Variants in SAMD5 observed in about 807,000 individuals in gnomAD.
SAMD5 encodes the protein sterile alpha motif domain-containing protein 5.
A neutral mutation model predicts 11.3 loss-of-function variants in SAMD5; 13 were observed. The ratio of observed to expected loss-of-function variants is 1.15; its 90% confidence interval spans 0.75 to 1.83. The LOEUF (loss-of-function observed/expected upper bound fraction) is 1.83. Ranked by LOEUF, SAMD5 falls within the 40% of genes most tolerant of loss-of-function variation. The probability of loss-of-function intolerance (pLI) is 0.00; values close to 1 mark genes in which losing one functional copy is unlikely to be tolerated. For missense variants in SAMD5, 255 were observed against 239.1 expected, an observed-to-expected ratio of 1.07 and a Z score of -0.44; for synonymous variants, 129 against 111.3, an observed-to-expected ratio of 1.16 and a Z score of -1.00.
chr6:147,723,957 T>G (rs1791590327), intron 1 of SAMD5, among the ~76,000 whole-genome samples: 1 of 152,202 alleles, frequency 6.6e-6, no homozygotes, highest in African/African-American at 2.4e-5. Flanking sequence ...AATCACTAAC[T>G]GCCCCAGGGC....
chr6:147,783,720 T>C, the SAMD5 span, among the ~76,000 whole-genome samples: 3 of 152,280 alleles, frequency 2.0e-5, no homozygotes, highest in East Asian at 3.9e-4. Flanking sequence ...TTTTATAATA[T>C]TTCTCCTCTT....
the SAMD5 span, among the ~76,000 whole-genome samples, chr6:147,819,884 T>C: frequency 6.6e-6 from 1 of 152,168 alleles, no homozygotes; most frequent in Non-Finnish European, 1.5e-5. Context: ...TGTCAGCAGA[T>C]ATACCCATAA....
the SAMD5 span, among the ~76,000 whole-genome samples, chr6:147,943,813 T>C: frequency 6.6e-6 from 1 of 152,058 alleles, no homozygotes; most frequent in Non-Finnish European, 1.5e-5. Flanking sequence ...CAACCAAACC[T>C]CCTTTCCAGT....
chr6:147,867,915 T>A, the SAMD5 span, among the ~76,000 whole-genome samples: 8 of 152,264 alleles, frequency 5.3e-5, no homozygotes, highest in African/African-American at 1.9e-4. Context: ...GGTGTTCTCA[T>A]CCTGAAAACA....
intron 1 of SAMD5, among the ~76,000 whole-genome samples, chr6:147,726,506 C>G (rs1791628559): frequency 6.6e-6 from 1 of 152,136 alleles, no homozygotes; most frequent in Non-Finnish European, 1.5e-5. Flanking sequence ...GTCTGTATGC[C>G]AGGCCTGCCT....
the SAMD5 span, among the ~76,000 whole-genome samples, chr6:147,786,412 C>G: frequency 6.6e-6 from 1 of 152,138 alleles, no homozygotes; most frequent in African/African-American, 2.4e-5. Context: ...ATTTATTCAT[C>G]TGGAAAGTCA....
chr6:147,720,442 G>C (rs183727362), intron 1 of SAMD5, among the ~76,000 whole-genome samples: 4 of 143,042 alleles, frequency 2.8e-5, no homozygotes, highest in South Asian at 2.4e-4. Context: ...CAGCCTGGGC[G>C]ACAGAGCGAG....
intron 1 of SAMD5, among the ~76,000 whole-genome samples, chr6:147,646,516 T>A (rs1041038060): frequency 4.6e-5 from 7 of 152,170 alleles, no homozygotes; most frequent in Non-Finnish European, 8.8e-5. Flanking sequence ...ACAGTACTTG[T>A]GTACTGTAGT....
intron 1 of SAMD5, among the ~76,000 whole-genome samples, chr6:147,697,553 T>C (rs748006117): frequency 1.3e-5 from 2 of 152,228 alleles, no homozygotes; most frequent in Non-Finnish European, 2.9e-5. Flanking sequence ...TTATTACTTA[T>C]CACTTGATTA....
At chr6:147,815,504 C>T in the SAMD5 span, among the ~76,000 whole-genome samples, 1 of 151,960 alleles carries the variant, frequency 6.6e-6, no homozygotes, top group Non-Finnish European at 1.5e-5. Flanking sequence ...CCTTATGTAG[C>T]ATTAGAGGTC....
intron 1 of SAMD5, among the ~76,000 whole-genome samples, chr6:147,554,884 A>T (rs1034570684): frequency 2.6e-5 from 4 of 152,210 alleles, no homozygotes; most frequent in Non-Finnish European, 5.9e-5. Flanking sequence ...GCCGTCCCCA[A>T]GGCCCTTTCA....
chr6:147,555,245 C>A (rs79256085), intron 1 of SAMD5, among the ~76,000 whole-genome samples: 6,681 of 152,262 alleles, frequency 0.044, 433 homozygotes, highest in African/African-American at 0.14. Context: ...TGTCTCCTTG[C>A]AAACCACTTG....
At chr6:147,777,030 C>G in the SAMD5 span, among the ~76,000 whole-genome samples, 2 of 152,288 alleles carry the variant, frequency 1.3e-5, no homozygotes, top group South Asian at 2.1e-4. Flanking sequence ...TGATTAGTTT[C>G]CATCAGCACC....
At chr6:147,877,891 ATAGCTAGATAGATAGATAGC>A in the SAMD5 span, among the ~76,000 whole-genome samples, 1 of 90,276 alleles carries the variant, frequency 1.1e-5, no homozygotes, top group African/African-American at 3.7e-5. Flanking sequence ...CGATAGATAG[ATAGCTAGATAGATAGATAGC>A]TAGCTAGCTA....
chr6:147,595,872 T>A (rs931444334), intron 1 of SAMD5, among the ~76,000 whole-genome samples: 1 of 152,132 alleles, frequency 6.6e-6, no homozygotes, highest in Non-Finnish European at 1.5e-5. Flanking sequence ...ATATTCCTCA[T>A]GTTTCAATTT....
the SAMD5 span, among the ~76,000 whole-genome samples, chr6:147,762,872 G>A: frequency 6.6e-6 from 1 of 152,090 alleles, no homozygotes; most frequent in Admixed American, 6.5e-5. Flanking sequence ...CTGTGTTCAG[G>A]GAGTTTGTAG....
At chr6:147,686,437 A>G (rs73012002) in intron 1 of SAMD5, among the ~76,000 whole-genome samples, 17,498 of 152,122 alleles carry the variant, frequency 0.12, 1,102 homozygotes, top group Middle Eastern at 0.16. Context: ...ATATGGAATT[A>G]TTTTTTGTAT....
chr6:147,919,647 T>C, the SAMD5 span, among the ~76,000 whole-genome samples: 1 of 152,240 alleles, frequency 6.6e-6, no homozygotes, highest in East Asian at 1.9e-4. Context: ...GGCCTGACCA[T>C]ATTGACTGAT....
chr6:147,754,194 A>G, the SAMD5 span, among the ~76,000 whole-genome samples: 1 of 152,176 alleles, frequency 6.6e-6, no homozygotes, highest in African/African-American at 2.4e-5. Context: ...CCTTTCCTCC[A>G]CATCCTCACC....
Sources: gnomAD v4.1 joint callset for allele counts (sites outside exome capture counted in the v4.1 genomes callset) on GRCh38, gnomAD v4.1.1 for gene constraint, MANE v1.5 for transcripts, NCBI Gene and HGNC (gene_info 2026-07-23, HGNC 2026-07-21) for gene names.